DAB1: variants seen among roughly 807,000 people sequenced by gnomAD.
DAB1 encodes DAB adaptor protein 1, also known as disabled homolog 1.
Under a neutral mutation model 64.6 loss-of-function variants are expected in DAB1, and 15 were observed. The observed-to-expected ratio is 0.23, with a 90% CI of 0.16 to 0.36. The LOEUF is 0.36. Ranked by LOEUF, DAB1 falls within the 10% of genes least tolerant of loss-of-function variation. DAB1 has a pLI of 1.00. For synonymous variants in DAB1, 235 were observed against 251.9 expected (o/e 0.93, Z 0.64); for missense variants, 596 against 706.7 (o/e 0.84, Z 1.78).
intron 3 of DAB1, among the ~76,000 whole-genome samples, chr1:58,476,656 C>T (rs1235313584): frequency 2.0e-5 from 3 of 152,164 alleles, no homozygotes; most frequent in African/African-American, 7.2e-5. Flanking sequence ...TAGGCTCTCA[C>T]AAAAACATGT....
At chr1:57,930,882 T>C (rs1644943942) in intron 5 of DAB1, among the ~76,000 whole-genome samples, 1 of 152,200 alleles carries the variant, frequency 6.6e-6, no homozygotes, top group South Asian at 2.1e-4. Flanking sequence ...CTAGGACTTC[T>C]AATATGATGT....
At chr1:57,064,137 C>T (rs1314793131) in intron 8 of DAB1, among the ~76,000 whole-genome samples, 1 of 152,214 alleles carries the variant, frequency 6.6e-6, no homozygotes, top group Non-Finnish European at 1.5e-5. Flanking sequence ...TAGCTAACTA[C>T]ACCATTGTTC....
rs192623135 is a variant in DAB1 at position 58,191,929 on chromosome 1, C to A, written n.310-41341G>T. ...TATGTGACCACCTGCAATAAAAATA[C>A]CACTGTGGAGAACACAAAGTATTTT... is the stretch of plus-strand genomic sequence containing the variant. On this transcript the variant is annotated intron_variant and non_coding_transcript_variant, in intron 4 of 20. Coordinates refer to the DAB1 transcript ENST00000485760. Among the ~76,000 whole-genome samples, 284 of 152,290 alleles carry A rather than the reference C, an allele frequency of 1.9e-3. 1 individual carries two copies. The highest frequency in any genetic ancestry group is 6.5e-3 in the African/African-American group (271 of 41,564).
chr1:57,863,148 G>C (rs1654140617), intron 1 of DAB1: 1 of 152,112 alleles, frequency 6.6e-6, no homozygotes, highest in Admixed American at 6.6e-5. Flanking sequence ...ATAATGCTAT[G>C]CTGAGATAAA....
chr1:58,544,550 T>A (rs1295571093), intron 1 of DAB1, among the ~76,000 whole-genome samples: 1 of 152,170 alleles, frequency 6.6e-6, no homozygotes, highest in East Asian at 1.9e-4. Context: ...TATTATTACT[T>A]TTTTAAACCT....
intron 3 of DAB1, among the ~76,000 whole-genome samples, chr1:58,383,823 A>G (rs972086663): frequency 3.3e-5 from 5 of 152,148 alleles, no homozygotes; most frequent in Non-Finnish European, 7.3e-5. Flanking sequence ...GCTATTGTGG[A>G]TAATGCTGCA....
intron 5 of DAB1, among the ~76,000 whole-genome samples, chr1:57,938,317 G>A (rs531454917): frequency 6.6e-6 from 1 of 152,174 alleles, no homozygotes; most frequent in South Asian, 2.1e-4. Context: ...TGTGTTGGTA[G>A]GATCACATTC....
chr1:57,400,543 A>T (rs1211231171), intron 1 of DAB1, among the ~76,000 whole-genome samples: 1 of 151,740 alleles, frequency 6.6e-6, no homozygotes, highest in Admixed American at 6.6e-5. Context: ...ACTACTTGCC[A>T]GTATCAGTCT....
At chr1:57,280,247 C>T (rs1671780967) in intron 2 of DAB1, among the ~76,000 whole-genome samples, 1 of 152,106 alleles carries the variant, frequency 6.6e-6, no homozygotes, top group South Asian at 2.1e-4. Context: ...GATATTGGTT[C>T]CTCCTTCACC....
At chr1:57,157,181 T>G (rs1349611944) in intron 2 of DAB1, among the ~76,000 whole-genome samples, 1 of 152,182 alleles carries the variant, frequency 6.6e-6, no homozygotes, top group Non-Finnish European at 1.5e-5. Context: ...CATCATAGAT[T>G]ATAATAAGCA....
chr1:58,037,462 A>G (rs1647062647), intron 5 of DAB1, among the ~76,000 whole-genome samples: 1 of 152,044 alleles, frequency 6.6e-6, no homozygotes, highest in Non-Finnish European at 1.5e-5. Flanking sequence ...TTACCACCTG[A>G]GCTCTGCCTC....
intron 5 of DAB1, among the ~76,000 whole-genome samples, chr1:57,943,493 G>A (rs534779882): frequency 1.3e-5 from 2 of 152,246 alleles, no homozygotes; most frequent in African/African-American, 4.8e-5. Flanking sequence ...CCTCCCATTG[G>A]CCTTGCCCTC....
At chr1:57,820,719 A>G (rs1013004538) in intron 6 of DAB1, among the ~76,000 whole-genome samples, 2 of 152,210 alleles carry the variant, frequency 1.3e-5, no homozygotes, top group Non-Finnish European at 2.9e-5. Context: ...ACATCTATCC[A>G]GCTACTGAAC....
chr1:58,387,717 C>CTTTCTTT (rs1644444346), intron 3 of DAB1, among the ~76,000 whole-genome samples: 1 of 102,876 alleles, frequency 9.7e-6, no homozygotes, highest in African/African-American at 3.9e-5. Flanking sequence ...TTTTTCTTTT[C>CTTTCTTT]TTTTCTTTTT....
At chr1:58,164,822 T>A (rs1655736811) in intron 4 of DAB1, among the ~76,000 whole-genome samples, 1 of 152,140 alleles carries the variant, frequency 6.6e-6, no homozygotes, top group African/African-American at 2.4e-5. Context: ...CACTATATCC[T>A]CATGAGCTCC....
intron 3 of DAB1, among the ~76,000 whole-genome samples, chr1:58,351,555 T>C (rs1644057731): frequency 1.3e-5 from 2 of 151,926 alleles, no homozygotes; most frequent in Non-Finnish European, 2.9e-5. Flanking sequence ...GCTCGGTAGA[T>C]GGCTAAGTGT....
intron 3 of DAB1, among the ~76,000 whole-genome samples, chr1:58,396,855 G>A (rs543312073): frequency 1.6e-4 from 24 of 152,246 alleles, no homozygotes; most frequent in Non-Finnish European, 5.9e-5. Context: ...GAGGTCAAGA[G>A]ATCAAGACCA....
chr1:57,363,714 G>C lies in DAB1; in HGVS notation c.-137+60216C>G, dbSNP rs966235809. 2.0e-5 allele frequency among the ~76,000 whole-genome samples: 3 copies of C among 152,164 alleles called. No individual in the cohort carries two copies. In the South Asian group the frequency reaches 6.2e-4, roughly 32 times the overall value. On this transcript the variant is annotated intron_variant, in intron 1 of 14. Transcript: ENST00000371236. ...TTGTACAGTCACTGGAAGGCAGGGA[G>C]AAATGCTGAGACGCCTCATGAAGAG...
At chr1:57,435,027 CT>C (rs1214820140) in intron 7 of DAB1, among the ~76,000 whole-genome samples, 11 of 141,360 alleles carry the variant, frequency 7.8e-5, no homozygotes, top group Non-Finnish European at 1.5e-4. Flanking sequence ...GCTTGACTCT[CT>C]TTTTCTTTTC....
Sources: allele counts gnomAD v4.1 joint callset (sites outside exome capture counted in the v4.1 genomes callset), GRCh38; gene constraint gnomAD v4.1.1; transcripts MANE v1.5; gene names NCBI Gene and HGNC (gene_info 2026-07-23, HGNC 2026-07-21).